Variants in TMEM184B observed in about 807,000 individuals in gnomAD.
TMEM184B encodes the protein transmembrane protein 184B, also known as putative MAPK-activating protein FM08.
In TMEM184B, 17 loss-of-function variants were observed where a neutral mutation model predicts 41.8. That is an observed-to-expected ratio of 0.41 (90% confidence interval 0.28 to 0.61). TMEM184B has a LOEUF of 0.61. Ranked by LOEUF, TMEM184B falls within the 20% of genes least tolerant of loss-of-function variation. The probability of loss-of-function intolerance (pLI) is 0.34; values close to 1 mark genes in which losing one functional copy is unlikely to be tolerated. For synonymous variants in TMEM184B, 240 were observed against 229.5 expected, an observed-to-expected ratio of 1.05 and a Z score of -0.41; for missense variants, 393 against 557.8, an observed-to-expected ratio of 0.70 and a Z score of 2.98.
Position 38,225,662 on chromosome 22 carries a change from C to T in TMEM184B, c.618-69G>A. 1 of 1,485,048 alleles carries T rather than the reference C, an allele frequency of 6.7e-7. No individual in the cohort carries two copies. Among genetic ancestry groups the T allele is most frequent in the Non-Finnish European group, 9.0e-7 (1 of 1,115,912 alleles). 92.0% of individuals were successfully genotyped at this position (1,485,048 alleles called of 1,614,324 possible). A position where few individuals can be genotyped will look rare whatever the true frequency, so the allele number is the denominator to read the frequency against. The stretch of plus-strand genomic sequence containing the variant: ...GGGAAGGGGCTCTCCTCGACTGCAC[C>T]ACACACAGTCCCCATGGCTCTCAGC... On this transcript the variant is annotated intron_variant, in intron 6 of 8. Transcript: ENST00000361906. This position sits in a 1 kb window ranked among gnomAD's most constrained non-coding sequence, Gnocchi z 4.4.
chr22:38,245,712 C>T (rs1235664698), intron 3 of TMEM184B, among the ~76,000 whole-genome samples: 1 of 152,050 alleles, frequency 6.6e-6, no homozygotes, highest in Non-Finnish European at 1.5e-5. Flanking sequence ...CATTGAGAAG[C>T]GAGACCCAGG....
intron 5 of TMEM184B, among the ~76,000 whole-genome samples, chr22:38,227,598 C>T (rs949844259): frequency 1.3e-5 from 2 of 152,168 alleles, no homozygotes; most frequent in African/African-American, 4.8e-5. Flanking sequence ...TGGAGGTGAC[C>T]TGCAGGAGCC....
chr22:38,251,626 G>T (rs2092164627), intron 1 of TMEM184B, among the ~76,000 whole-genome samples: 2 of 152,144 alleles, frequency 1.3e-5, no homozygotes, highest in South Asian at 4.1e-4. Flanking sequence ...GGCAGGGTGG[G>T]CACTGGATTC....
At position 38,221,540 on chromosome 22, in the gene TMEM184B, G is replaced by A. The variant is rs772307021; in HGVS notation, c.1153C>T (p.Arg385Cys). Residue 385 changes from arginine to cysteine, a missense_variant, in exon 9 of 9, where the codon CGC becomes TGC. Around this residue, in one of 2 missense-constraint regions of TMEM184B, gnomAD observed 271 missense variants for 434.1 expected, o/e 0.62. Transcript: ENST00000361906. ...TWRGGAHGLS[R>C]SHSLSGARDN... is the part of the protein sequence containing the mutation. Reference sequence around the variant, plus strand: ...CGGGCGCCACTGAGGCTGTGGGAGCGGGAGAGGCCGTGGGCGCCACCACGC... The same window carrying A: ...CGGGCGCCACTGAGGCTGTGGGAGCAGGAGAGGCCGTGGGCGCCACCACGC... 21 of 1,613,712 alleles carry A rather than the reference G, an allele frequency of 1.3e-5. No homozygotes were observed. The highest frequency in any genetic ancestry group is 4.5e-5 in the East Asian group (2 of 44,878).
intron 3 of TMEM184B, among the ~76,000 whole-genome samples, chr22:38,232,668 A>G (rs187761188): frequency 1.1e-3 from 167 of 152,238 alleles, no homozygotes; most frequent in African/African-American, 3.7e-3. Context: ...TGACCCCGCC[A>G]GCCCCTGCAG....
chr22:38,257,658 T>C (rs2092304762), intron 1 of TMEM184B, among the ~76,000 whole-genome samples: 1 of 152,208 alleles, frequency 6.6e-6, no homozygotes. Context: ...ATCTTTAGCT[T>C]GGCCTTTGGT....
At chr22:38,253,169 T>C (rs768609118) in intron 1 of TMEM184B, among the ~76,000 whole-genome samples, 6 of 151,220 alleles carry the variant, frequency 4.0e-5, no homozygotes, top group Non-Finnish European at 7.4e-5. Context: ...TAAATAAAAA[T>C]AATAATGGGA....
Position 38,221,043 on chromosome 22 carries a change from G to A in TMEM184B, c.*426C>T. 9.8e-7 allele frequency: 1 copy of A among 1,015,968 alleles called. No homozygotes were observed. The highest frequency in any genetic ancestry group is 1.2e-6 in the Non-Finnish European group (1 of 849,402). The allele number at this position is 1,015,968 out of a possible 1,614,324, so 62.9% of individuals were successfully genotyped here. A position where few individuals can be genotyped will look rare whatever the true frequency, so the allele number is the denominator to read the frequency against. On this transcript the variant is annotated 3_prime_UTR_variant, in exon 9 of 9. Transcript: ENST00000361906. ...ATGCAGGCGGGAAGAGCCCAGGTCA[G>A]ACAGGGTATTGCACGGTGTGTGGGG... is the stretch of plus-strand genomic sequence containing the variant.
chr22:38,253,982 C>T (rs2092225898), intron 1 of TMEM184B, among the ~76,000 whole-genome samples: 1 of 152,088 alleles, frequency 6.6e-6, no homozygotes, highest in Non-Finnish European at 1.5e-5. Context: ...GGGCGGATCA[C>T]CTGAGGTCAG....
At chr22:38,256,614 C>A (rs942633813) in intron 1 of TMEM184B, among the ~76,000 whole-genome samples, 1 of 152,302 alleles carries the variant, frequency 6.6e-6, no homozygotes, top group South Asian at 2.1e-4. Flanking sequence ...CTACACATTT[C>A]ATAGAAAAAT....
At chr22:38,228,434 C>G (rs968107056) in intron 5 of TMEM184B, among the ~76,000 whole-genome samples, 3 of 149,920 alleles carry the variant, frequency 2.0e-5, no homozygotes, top group Admixed American at 6.7e-5. Flanking sequence ...CAGCAGAGCC[C>G]AGGCCAGCAG....
intron 1 of TMEM184B, among the ~76,000 whole-genome samples, chr22:38,255,020 T>G (rs1309537944): frequency 6.6e-6 from 1 of 151,748 alleles, no homozygotes; most frequent in Admixed American, 6.6e-5. Flanking sequence ...CCAGCTAATT[T>G]TTTTTATTTA....
chr22:38,260,946 T>C (rs1056469246), intron 1 of TMEM184B, among the ~76,000 whole-genome samples: 1 of 152,228 alleles, frequency 6.6e-6, no homozygotes, highest in Non-Finnish European at 1.5e-5. Context: ...CGTTCACATA[T>C]ATATCCCTGG....
At chr22:38,262,481 G>A (rs1288193875) in intron 1 of TMEM184B, among the ~76,000 whole-genome samples, 6 of 151,290 alleles carry the variant, frequency 4.0e-5, no homozygotes, top group Non-Finnish European at 7.4e-5. Flanking sequence ...GGGGAGTTAA[G>A]AGGGCAGACA....
chr22:38,224,184 C>CA (rs2091352689), intron 8 of TMEM184B: 1 of 152,166 alleles, frequency 6.6e-6, no homozygotes, highest in South Asian at 2.1e-4. Flanking sequence ...GGCACAATCT[C>CA]GCTCACTGCA....
chr22:38,246,979 C>G (rs1200581184), intron 2 of TMEM184B: 1 of 780,246 alleles, frequency 1.3e-6, no homozygotes, highest in African/African-American at 1.8e-5. Flanking sequence ...CACAGGGCAG[C>G]TGGCAAGGGG....
intron 1 of TMEM184B, among the ~76,000 whole-genome samples, chr22:38,261,973 C>T (rs1052077469): frequency 5.3e-5 from 8 of 151,726 alleles, no homozygotes; most frequent in Non-Finnish European, 1.2e-4. Flanking sequence ...CGCACACGCG[C>T]CCCCAAAGAC....
intron 3 of TMEM184B, among the ~76,000 whole-genome samples, chr22:38,244,019 C>T (rs1385824216): frequency 6.6e-6 from 1 of 152,030 alleles, no homozygotes; most frequent in South Asian, 2.1e-4. Flanking sequence ...CTTCCCAGGC[C>T]GGGGACACAG....
intron 1 of TMEM184B, among the ~76,000 whole-genome samples, chr22:38,269,659 T>C (rs2092493131): frequency 6.6e-6 from 1 of 152,070 alleles, no homozygotes; most frequent in Non-Finnish European, 1.5e-5. Context: ...ATAGCACCAC[T>C]GCATGCCAAG....
Sources: gnomAD v4.1 joint callset for allele counts (sites outside exome capture counted in the v4.1 genomes callset) on GRCh38, gnomAD v4.1.1 for gene constraint, gnomAD v4.1.1 regional missense constraint, Gnocchi (gnomAD v3.1) non-coding constraint, MANE v1.5 for transcripts, NCBI Gene and HGNC (gene_info 2026-07-23, HGNC 2026-07-21) for gene names.